Variants in PDCD11 observed in about 807,000 individuals in gnomAD.
The protein encoded by PDCD11 is programmed cell death 11.
PDCD11 carries 97 observed loss-of-function variants against 198.9 expected under a neutral mutation model. That is an observed-to-expected ratio of 0.49 (90% CI 0.41 to 0.58). PDCD11 has a LOEUF of 0.58. Ranked by LOEUF, PDCD11 falls within the 20% of genes least tolerant of loss-of-function variation. The pLI, the probability that PDCD11 is intolerant of heterozygous loss-of-function variation, is 0.00. For missense variants in PDCD11, 2,102 were observed against 2,312.7 expected, an observed-to-expected ratio of 0.91 and a Z score of 1.87; for synonymous variants, 893 against 918.0, an observed-to-expected ratio of 0.97 and a Z score of 0.49.
intron 3 of PDCD11, among the ~76,000 whole-genome samples, chr10:103,401,268 T>C (rs961523817): frequency 2.0e-5 from 3 of 152,060 alleles, no homozygotes; most frequent in African/African-American, 4.8e-5. Context: ...GAAATTATTT[T>C]ATTTTATTTA....
intron 30 of PDCD11, among the ~76,000 whole-genome samples, chr10:103,441,111 C>T (rs2032368833): frequency 6.6e-6 from 1 of 152,036 alleles, no homozygotes; most frequent in South Asian, 2.1e-4. Context: ...GAGGCTGAGC[C>T]GTTCTGAGCC....
At chr10:103,399,609 TG>T (rs2093453790) in intron 2 of PDCD11, 2 of 152,222 alleles carry the variant, frequency 1.3e-5, no homozygotes, top group Non-Finnish European at 2.9e-5. Context: ...TCCAAATGCT[TG>T]GGGAAAGGGA....
At chr10:103,417,463 A>G (rs2031173622) in intron 13 of PDCD11, among the ~76,000 whole-genome samples, 1 of 152,242 alleles carries the variant, frequency 6.6e-6, no homozygotes, top group Non-Finnish European at 1.5e-5. Context: ...CTGAGCCACT[A>G]AGCCTGGCCA....
At position 103,413,333 on chromosome 10, in the gene PDCD11, C is replaced by A; in HGVS notation, c.1185+11C>A. 6.2e-7 allele frequency: 1 copy of A among 1,610,438 alleles called. No individual in the cohort carries two copies. The highest frequency in any genetic ancestry group is 8.5e-7 in the Non-Finnish European group (1 of 1,176,798). On this transcript the variant is annotated intron_variant, in intron 9 of 35. Coordinates refer to ENST00000369797, the MANE Select transcript of PDCD11 (RefSeq NM_014976.2). ...CTGGCCTATGCCCGGGTAAGGAGGC[C>A]TCTTTGTTTGGTCAGGGATCTTATC...
intron 3 of PDCD11, among the ~76,000 whole-genome samples, chr10:103,401,339 C>A (rs574102350): frequency 6.6e-6 from 1 of 152,060 alleles, no homozygotes; most frequent in East Asian, 1.9e-4. Context: ...GTGATGTGAT[C>A]TCAGCTCACT....
In PDCD11 at chr10:103,414,015, A is replaced by G. The variant is rs143384865; in HGVS notation, c.1235A>G (p.Lys412Arg). ...SKNVFNPEAF[K>R]PGNTHKCRII... The stretch of plus-strand genomic sequence containing the variant: ...AACGTCTTCAATCCTGAGGCCTTCA[A>G]GCCAGGGAACACTCACAAGTGTAGA... The change falls in exon 10 of 36, where the codon AAG becomes AGG. Residue 412 changes from lysine (K) to arginine (R), a missense_variant. Physicochemically the swap from Lys to Arg is conservative, Grantham distance 26. Transcript: ENST00000369797. 3.7e-6 allele frequency: 6 copies of G among 1,613,678 alleles called. No individual in the cohort carries two copies. The African/African-American group carries it at 8.0e-5, about 22-fold the overall frequency.
chr10:103,405,958 C>A, intron 5 of PDCD11, 27 bp from the exon 6 acceptor site: 1 of 1,611,652 alleles, frequency 6.2e-7, no homozygotes, highest in Non-Finnish European at 8.5e-7. Flanking sequence ...TGAATTGGAA[C>A]TTCTGGGACT....
At chr10:103,410,945 C>A (rs1297590182) in intron 8 of PDCD11, among the ~76,000 whole-genome samples, 1 of 151,798 alleles carries the variant, frequency 6.6e-6, no homozygotes, top group Non-Finnish European at 1.5e-5. Flanking sequence ...CCTGGTGGTG[C>A]GTGCCTGTAG....
Position 103,424,380 on chromosome 10 carries a change from G to C in PDCD11, c.2764-604G>C, listed in dbSNP as rs116752301. Among the ~76,000 whole-genome samples, 1,190 of 152,336 alleles carry C rather than the reference G, an allele frequency of 7.8e-3. 20 individuals carry two copies. The highest frequency in any genetic ancestry group is 0.027 in the African/African-American group (1,117 of 41,568). ...AATTTCCAGTTGCTTACAGTATTAA[G>C]AGTTTAGGACAGAGAGAGAATGGAA... is the stretch of plus-strand genomic sequence containing the variant. On this transcript the variant is annotated intron_variant, in intron 19 of 35. Transcript: ENST00000369797.
At chr10:103,421,655 TC>T in intron 17 of PDCD11, 88 bp downstream of exon 17, 1 of 1,138,012 alleles carries the variant, frequency 8.8e-7, no homozygotes, top group Non-Finnish European at 1.2e-6. Flanking sequence ...TTGTTGGGCT[TC>T]CCAGAACATA....
At chr10:103,440,262 T>C in intron 28 of PDCD11, 28 bp from the exon 29 acceptor site, 1 of 1,589,242 alleles carries the variant, frequency 6.3e-7, no homozygotes. Context: ...TTATGATGTC[T>C]TTACCTCCCC....
chr10:103,421,349 T>C lies in PDCD11; in HGVS notation c.2279T>C (p.Ile760Thr). The C allele has an allele frequency of 6.2e-7, 1 of 1,604,138 alleles. No individual in the cohort carries two copies. Among genetic ancestry groups the C allele is most frequent in the South Asian group, 1.1e-5 (1 of 89,218 alleles). ...SGLSGLAPKA[I>T]MSDKFVTSTS... is the part of the protein sequence containing the mutation. The stretch of plus-strand genomic sequence containing the variant: ...TCTCCTGCCTGTTCTTCTGTTCAGA[T>C]CATGAGTGACAAATTTGTGACCTCC... The change falls in exon 17 of 36, where the codon ATC (isoleucine) becomes ACC (threonine). Residue 760 changes from isoleucine (I) to threonine (T), a missense_variant and splice_region_variant. Ile to Thr is a moderately conservative substitution (Grantham distance 89). Coordinates refer to ENST00000369797, the MANE Select transcript of PDCD11 (RefSeq NM_014976.2).
chr10:103,417,979 G>C (rs1461390191), intron 14 of PDCD11, 47 bp downstream of exon 14: 3 of 1,603,502 alleles, frequency 1.9e-6, no homozygotes, highest in Middle Eastern at 1.7e-4. Context: ...CAGTGGCAGA[G>C]AGCAGGGAAC....
At chr10:103,421,973 CAAAAAAAA>C (rs964087668) in intron 17 of PDCD11, among the ~76,000 whole-genome samples, 3 of 26,184 alleles carry the variant, frequency 1.1e-4, no homozygotes, top group Non-Finnish European at 1.6e-4. Flanking sequence ...GACTCCGTCT[CAAAAAAAA>C]AAAAAAAAAA....
rs2030369224 is a variant in PDCD11 at position 103,405,123 on chromosome 10, G to C, written c.504G>C (p.Leu168=). ...ACAGGGGCAAGAAGAGTGTCAAGCTGTCTCTGAACCCCAAAAATGTCAACA... is the reference window on the plus strand; with the variant it reads ...ACAGGGGCAAGAAGAGTGTCAAGCTCTCTCTGAACCCCAAAAATGTCAACA... ...ITDRGKKSVK[L]SLNPKNVNRV... Residue 168 remains leucine (L), a synonymous_variant, in exon 5 of 36, where the codon CTG becomes CTC. Transcript: ENST00000369797. 1 of 1,614,026 alleles carries C rather than the reference G, an allele frequency of 6.2e-7. No individual in the cohort carries two copies. The highest frequency in any genetic ancestry group is 2.2e-5 in the East Asian group (1 of 44,896).
chr10:103,434,758 T>A, intron 24 of PDCD11, 40 bp from the exon 25 acceptor site: 1 of 1,559,816 alleles, frequency 6.4e-7, no homozygotes, highest in Non-Finnish European at 8.7e-7. Context: ...CTCCCTTAGC[T>A]CATTTCCTCT....
At chr10:103,444,127 C>T in intron 34 of PDCD11, 59 bp downstream of exon 34, 1 of 1,457,288 alleles carries the variant, frequency 6.9e-7, no homozygotes, top group Non-Finnish European at 9.4e-7. Flanking sequence ...GGAGTAGGAA[C>T]TGGCTGTGGC....
Position 103,434,054 on chromosome 10 carries a change from T to G in PDCD11, c.3564+17T>G. On this transcript the variant is annotated intron_variant, in intron 23 of 35. Transcript: ENST00000369797. ...AGCTTCAAGGTCAGTGTGCTTGAGA[T>G]CCCTGGAGAGGGGACCCAAGTTCCC... 6.3e-7 allele frequency: 1 copy of G among 1,599,378 alleles called. No homozygotes were observed. The highest frequency in any genetic ancestry group is 8.6e-7 in the Non-Finnish European group (1 of 1,166,580).
At position 103,441,882 on chromosome 10, in the gene PDCD11, T is replaced by C; in HGVS notation, c.4614T>C (p.Ala1538=). ...APRLQLSSGF[A]WNVGLDSLTP... is the part of the protein sequence containing the mutation. ...GGCTGCAGCTGTCTTCAGGCTTCGC[T>C]TGGAATGTGGGACTAGACTCTCTGA... The change falls in exon 31 of 36, where the codon GCT becomes GCC. Residue 1538 remains alanine (A), a synonymous_variant. Coordinates refer to ENST00000369797, the MANE Select transcript of PDCD11 (RefSeq NM_014976.2). 6.2e-7 allele frequency: 1 copy of C among 1,614,164 alleles called. No homozygotes were observed. The highest frequency in any genetic ancestry group is 8.5e-7 in the Non-Finnish European group (1 of 1,180,008).
Sources: gnomAD v4.1 joint callset for allele counts (sites outside exome capture counted in the v4.1 genomes callset) on GRCh38, gnomAD v4.1.1 for gene constraint, MANE v1.5 for transcripts, NCBI Gene and HGNC (gene_info 2026-07-23, HGNC 2026-07-21) for gene names.